Variants in HDAC4 observed in about 807,000 individuals in gnomAD.
The protein encoded by HDAC4 is histone deacetylase 4.
HDAC4 carries 16 observed loss-of-function variants against 135.1 expected under a neutral mutation model. That is an observed-to-expected ratio of 0.12 (90% confidence interval 0.08 to 0.18). The LOEUF (loss-of-function observed/expected upper bound fraction) is 0.18. HDAC4 is among the 10% of genes least tolerant of loss of function. HDAC4 has a pLI of 1.00. For missense variants in HDAC4, 1,143 were observed against 1,511.8 expected, an observed-to-expected ratio of 0.76 and a Z score of 4.05; for synonymous variants, 685 against 653.4, an observed-to-expected ratio of 1.05 and a Z score of -0.74.
chr2:239,259,439 G>A (rs1184923410), intron 2 of HDAC4, among the ~76,000 whole-genome samples: 3 of 152,130 alleles, frequency 2.0e-5, no homozygotes, highest in African/African-American at 7.2e-5. Flanking sequence ...GCAAGACCCC[G>A]TCTCAAAAAC....
intron 3 of HDAC4, 79 bp downstream of exon 3, chr2:239,236,514 T>A: frequency 8.4e-7 from 1 of 1,185,346 alleles, no homozygotes; most frequent in Non-Finnish European, 1.2e-6. Flanking sequence ...TCTGCACTCC[T>A]CCAATAAGGC....
At chr2:239,221,782 C>T (rs890040125) in intron 3 of HDAC4, among the ~76,000 whole-genome samples, 2 of 152,200 alleles carry the variant, frequency 1.3e-5, no homozygotes, top group African/African-American at 4.8e-5. Context: ...ATAATGCACA[C>T]ACAACTTGAA....
In HDAC4 at chr2:239,349,200, C is replaced by T. The variant is rs995496825; in HGVS notation, c.22+3478G>A. Among the ~76,000 whole-genome samples, 3 of 152,034 alleles carry T rather than the reference C, an allele frequency of 2.0e-5. No homozygotes were observed. Among genetic ancestry groups the T allele is most frequent in the East Asian group, 1.9e-4 (1 of 5,154 alleles). On this transcript the variant is annotated intron_variant, in intron 2 of 26. Coordinates refer to ENST00000543185, the MANE Select transcript of HDAC4 (RefSeq NM_001378414.1). This position sits in a 1 kb window ranked among gnomAD's most constrained non-coding sequence, Gnocchi z 5.7. ...GCAAGAGTGAGCCGGGTGGGCAGGG[C>T]GAAGGACAGGGCCAGCTAGCAGAGG...
chr2:239,287,468 C>G (rs79596996), intron 2 of HDAC4, among the ~76,000 whole-genome samples: 5,521 of 152,240 alleles, frequency 0.036, 128 homozygotes, highest in East Asian at 0.084. Context: ...ACTGTTGACA[C>G]GACCTTTTAA....
chr2:239,101,313 C>T (rs953769991), intron 16 of HDAC4, among the ~76,000 whole-genome samples: 4 of 152,174 alleles, frequency 2.6e-5, no homozygotes, highest in African/African-American at 4.8e-5. Flanking sequence ...TCTGTGACCC[C>T]GTCTGTACCT....
At chr2:239,129,073 C>T (rs2040392419) in intron 11 of HDAC4, among the ~76,000 whole-genome samples, 1 of 152,188 alleles carries the variant, frequency 6.6e-6, no homozygotes, top group East Asian at 1.9e-4. Context: ...GCAGAGACCC[C>T]TGTGCAGACC....
chr2:239,065,448 T>C (rs2033351624), intron 24 of HDAC4, among the ~76,000 whole-genome samples: 1 of 152,158 alleles, frequency 6.6e-6, no homozygotes, highest in Non-Finnish European at 1.5e-5. Context: ...AGTGCTGCCT[T>C]TTCCTTGAGC....
chr2:239,358,318 T>C (rs1412737234), intron 1 of HDAC4, among the ~76,000 whole-genome samples: 2 of 152,220 alleles, frequency 1.3e-5, no homozygotes, highest in Non-Finnish European at 2.9e-5. Context: ...ACTGCCACCA[T>C]TGGTGTTGGT....
At chr2:239,124,611 C>CATTCCATGTTATGTGAT in intron 12 of HDAC4, among the ~76,000 whole-genome samples, 1 of 131,424 alleles carries the variant, frequency 7.6e-6, no homozygotes, top group African/African-American at 4.4e-5. Context: ...CGTTATATGA[C>CATTCCATGTTATGTGAT]ATTCCGGCGT....
At position 239,331,099 on chromosome 2, in the gene HDAC4, G is replaced by C. The variant is rs1411999631; in HGVS notation, c.22+21579C>G. On this transcript the variant is annotated intron_variant, in intron 2 of 26. Transcript: ENST00000543185. This position sits in a 1 kb window ranked among gnomAD's most constrained non-coding sequence, Gnocchi z 4.5. ...ATACAGCCCAGAGGACATACTGAGA[G>C]AGCGGCCAAGTGAAGCTCTCAGCCT... 6.6e-6 allele frequency among the ~76,000 whole-genome samples: 1 copy of C among 152,254 alleles called. No individual in the cohort carries two copies. Among genetic ancestry groups the C allele is most frequent in the African/African-American group, 2.4e-5 (1 of 41,462 alleles).
intron 6 of HDAC4, among the ~76,000 whole-genome samples, chr2:239,163,396 CA>C (rs1048242809): frequency 5.9e-5 from 9 of 152,194 alleles, no homozygotes; most frequent in Non-Finnish European, 8.8e-5. Context: ...GGTCCCTCTG[CA>C]GGGGGGCCCA....
At chr2:239,369,740 A>G (rs1175559888) in intron 1 of HDAC4, among the ~76,000 whole-genome samples, 2 of 152,142 alleles carry the variant, frequency 1.3e-5, no homozygotes, top group Non-Finnish European at 2.9e-5. Flanking sequence ...ACGGCCCATG[A>G]CGTCTCAGCA....
chr2:239,063,421 G>C (rs1249626759), intron 24 of HDAC4, among the ~76,000 whole-genome samples: 2 of 152,036 alleles, frequency 1.3e-5, no homozygotes, highest in African/African-American at 4.8e-5. Flanking sequence ...AGCCAGGATG[G>C]TCTCGATCTC....
intron 5 of HDAC4, among the ~76,000 whole-genome samples, chr2:239,175,482 CA>C (rs1306426731): frequency 1.3e-5 from 2 of 152,180 alleles, no homozygotes; most frequent in Admixed American, 6.5e-5. Context: ...TCTAACTGTC[CA>C]AAGTGGGAAA....
At chr2:239,242,552 G>A (rs1219725865) in intron 2 of HDAC4, among the ~76,000 whole-genome samples, 2 of 152,066 alleles carry the variant, frequency 1.3e-5, no homozygotes, top group East Asian at 1.9e-4. Context: ...TGTAGTTATC[G>A]TGTATTTTCT....
chr2:239,143,260 T>TAA (rs3838512), intron 8 of HDAC4, among the ~76,000 whole-genome samples: 178 of 149,884 alleles, frequency 1.2e-3, no homozygotes, highest in Admixed American at 3.5e-3. Flanking sequence ...CTGCACACTT[T>TAA]AAAAAAAAAA....
At chr2:239,113,881 G>A (rs2038899332) in intron 13 of HDAC4, among the ~76,000 whole-genome samples, 1 of 152,014 alleles carries the variant, frequency 6.6e-6, no homozygotes. Context: ...GTAGTGTTTA[G>A]TGCCCGGGGT....
intron 4 of HDAC4, among the ~76,000 whole-genome samples, chr2:239,181,004 G>A (rs1426419814): frequency 5.9e-5 from 9 of 152,258 alleles, no homozygotes; most frequent in Admixed American, 4.6e-4. Context: ...GAATCGCTTG[G>A]AGTCCAGGGC....
At chr2:239,071,387 C>T (rs185098677) in intron 22 of HDAC4, among the ~76,000 whole-genome samples, 5 of 152,048 alleles carry the variant, frequency 3.3e-5, no homozygotes, top group African/African-American at 2.4e-5. Context: ...TGAACTCCGG[C>T]CTGGCTGATA....
Sources: gnomAD v4.1 joint callset for allele counts (sites outside exome capture counted in the v4.1 genomes callset) on GRCh38, gnomAD v4.1.1 for gene constraint, Gnocchi (gnomAD v3.1) non-coding constraint, MANE v1.5 for transcripts, NCBI Gene and HGNC (gene_info 2026-07-23, HGNC 2026-07-21) for gene names.